ATP9A: variants seen among roughly 807,000 people sequenced by gnomAD.
ATP9A encodes the protein ATPase phospholipid transporting 9A, also known as probable phospholipid-transporting ATPase IIA.
In ATP9A, 52 loss-of-function variants were observed where a neutral mutation model predicts 144.1. That is an observed-to-expected ratio of 0.36 (90% confidence interval 0.29 to 0.45). The LOEUF (loss-of-function observed/expected upper bound fraction) is 0.45, where lower values mean the gene tolerates loss of function less well. Ranked by LOEUF, ATP9A falls within the 20% of genes least tolerant of loss-of-function variation. The probability of loss-of-function intolerance (pLI) is 1.00; values close to 1 mark genes in which losing one functional copy is unlikely to be tolerated. For synonymous variants in ATP9A, 582 were observed against 557.4 expected (o/e 1.04, Z -0.62); for missense variants, 947 against 1,392.7 (o/e 0.68, Z 5.09).
chr20:51,606,753 C>T (rs1252822893), intron 26 of ATP9A, among the ~76,000 whole-genome samples: 1 of 152,078 alleles, frequency 6.6e-6, no homozygotes, highest in Non-Finnish European at 1.5e-5. Context: ...GTGGTGTACA[C>T]CTGTGGTCCC....
At chr20:51,706,513 C>A (rs1159233887) in intron 4 of ATP9A, among the ~76,000 whole-genome samples, 1 of 152,258 alleles carries the variant, frequency 6.6e-6, no homozygotes, top group African/African-American at 2.4e-5. Context: ...GTAATCCCAA[C>A]ACTTTGGGAA....
In ATP9A at chr20:51,633,623, G is replaced by A. The variant is rs180928858; in HGVS notation, c.1669-4551C>T. On this transcript the variant is annotated intron_variant, in intron 15 of 27. Transcript: ENST00000338821. Reference sequence around the variant, plus strand: ...TAGCTGGGTGTGGCAGTGCATACCTGTAGTCCCAGCTACTTAAGAGGCAGA... The same window carrying A: ...TAGCTGGGTGTGGCAGTGCATACCTATAGTCCCAGCTACTTAAGAGGCAGA... 3.2e-3 allele frequency among the ~76,000 whole-genome samples: 491 copies of A among 152,188 alleles called. 1 individual carries two copies. The highest frequency in any genetic ancestry group is 6.5e-3 in the Admixed American group (100 of 15,270).
intron 6 of ATP9A, among the ~76,000 whole-genome samples, chr20:51,694,885 AAG>A (rs1273551374): frequency 6.6e-6 from 1 of 152,168 alleles, no homozygotes; most frequent in Non-Finnish European, 1.5e-5. Context: ...TCAAGAAAAA[AAG>A]AGCATGTCAG....
At chr20:51,746,825 C>T (rs902381377) in intron 1 of ATP9A, among the ~76,000 whole-genome samples, 5 of 152,054 alleles carry the variant, frequency 3.3e-5, no homozygotes, top group Admixed American at 6.6e-5. Context: ...GGCAACAGAG[C>T]GAGACTCCAT....
At position 51,698,918 on chromosome 20, in the gene ATP9A, G is replaced by A. The variant is rs1411634257; in HGVS notation, c.437-1436C>T. Among the ~76,000 whole-genome samples, 9 of 152,222 alleles carry A rather than the reference G, an allele frequency of 5.9e-5. No individual in the cohort carries two copies. The South Asian group carries it at 1.5e-3, about 25-fold the overall frequency. On this transcript the variant is annotated intron_variant, in intron 4 of 27. Coordinates refer to ENST00000338821, the MANE Select transcript of ATP9A (RefSeq NM_006045.3). Reference sequence around the variant, plus strand: ...ACACCCTGTGAGGGAGCCCAGAGAGGAAGAGAGAATTTATTCTGGTGATAG... The same window carrying A: ...ACACCCTGTGAGGGAGCCCAGAGAGAAAGAGAGAATTTATTCTGGTGATAG...
chr20:51,658,810 G>A (rs1412359098), intron 13 of ATP9A, among the ~76,000 whole-genome samples: 1 of 141,604 alleles, frequency 7.1e-6, no homozygotes, highest in Admixed American at 8.0e-5. Flanking sequence ...GTGAGCCACC[G>A]TGCCCGACCC....
At chr20:51,605,618 AAAAAAAT>A (rs1368872622) in intron 26 of ATP9A, among the ~76,000 whole-genome samples, 149 of 151,966 alleles carry the variant, frequency 9.8e-4, no homozygotes, top group African/African-American at 3.4e-3. Flanking sequence ...CCCCTGTCTC[AAAAAAAT>A]AAAAAATAAA....
intron 14 of ATP9A, among the ~76,000 whole-genome samples, chr20:51,647,338 A>G (rs1013318488): frequency 6.6e-6 from 1 of 152,014 alleles, no homozygotes; most frequent in Non-Finnish European, 1.5e-5. Context: ...CACTTGAGGT[A>G]AGGAGTTCAA....
At chr20:51,670,417 C>T (rs2077451091) in intron 12 of ATP9A, among the ~76,000 whole-genome samples, 3 of 152,200 alleles carry the variant, frequency 2.0e-5, no homozygotes, top group Admixed American at 2.0e-4. Flanking sequence ...ATGACATACA[C>T]TAGAGCAATC....
At chr20:51,719,190 G>A (rs2077677334) in intron 3 of ATP9A, among the ~76,000 whole-genome samples, 1 of 151,926 alleles carries the variant, frequency 6.6e-6, no homozygotes, top group Non-Finnish European at 1.5e-5. Flanking sequence ...CCTTGCTGGG[G>A]GCCAGGGAAG....
At chr20:51,744,026 T>G (rs2077796855) in intron 1 of ATP9A, among the ~76,000 whole-genome samples, 1 of 151,976 alleles carries the variant, frequency 6.6e-6, no homozygotes, top group Non-Finnish European at 1.5e-5. Flanking sequence ...AAAGTTATTT[T>G]TCCAGATGAA....
At chr20:51,696,249 CA>C in intron 5 of ATP9A, 105 bp from the exon 6 acceptor site, 2 of 867,784 alleles carry the variant, frequency 2.3e-6, no homozygotes, top group East Asian at 2.5e-5. Context: ...TGGGTTGGGG[CA>C]GGGGGGACTG....
chr20:51,605,124 G>T, intron 26 of ATP9A, 104 bp from the exon 27 acceptor site: 1 of 990,664 alleles, frequency 1.0e-6, no homozygotes, highest in Non-Finnish European at 1.4e-6. Flanking sequence ...AGACATGAAA[G>T]GCATCACTTG....
chr20:51,601,446 T>C (rs1292586818), intron 27 of ATP9A, 99 bp from the exon 28 acceptor site: 14 of 1,276,116 alleles, frequency 1.1e-5, no homozygotes, highest in African/African-American at 1.5e-5. Context: ...GGGAAAGTCA[T>C]CTCCCGTCAC....
At chr20:51,644,471 CAT>C (rs2077333966) in intron 14 of ATP9A, among the ~76,000 whole-genome samples, 1 of 151,154 alleles carries the variant, frequency 6.6e-6, no homozygotes, top group Non-Finnish European at 1.5e-5. Flanking sequence ...TGGGTTTCAC[CAT>C]GTTAGTCAGG....
intron 14 of ATP9A, among the ~76,000 whole-genome samples, chr20:51,641,828 T>A (rs1283335690): frequency 2.1e-4 from 7 of 33,604 alleles, no homozygotes; most frequent in African/African-American, 3.8e-4. Flanking sequence ...CGAAACTCCA[T>A]CTCAAAAAAA....
chr20:51,729,975 G>A lies in ATP9A; in HGVS notation c.72C>T (p.Cys24=), dbSNP rs1394214884. ...KRMDSRPRAG[C]CEWLRCCGGG... Reference sequence around the variant, plus strand: ...CACCGCAGCATCTCAGCCACTCGCAGCACCTGTGGGAAAGAAACCCACGCA... The same window carrying A: ...CACCGCAGCATCTCAGCCACTCGCAACACCTGTGGGAAAGAAACCCACGCA... The change falls in exon 2 of 28, where the codon TGC becomes TGT. Residue 24 remains cysteine (C), a synonymous_variant. Coordinates refer to ENST00000338821, the MANE Select transcript of ATP9A (RefSeq NM_006045.3). 3.3e-6 allele frequency: 5 copies of A among 1,535,940 alleles called. No individual in the cohort carries two copies. The highest frequency in any genetic ancestry group is 4.4e-6 in the Non-Finnish European group (5 of 1,146,784).
chr20:51,651,254 TAA>T lies in ATP9A; in HGVS notation c.1506+5682_1506+5683del, dbSNP rs1232167906. ...ATTATTTACATAATATATATTTACA[TAA>T]TATATTATATAATATATATTTACAT... On this transcript the variant is annotated intron_variant, in intron 14 of 27. Coordinates refer to ENST00000338821, the MANE Select transcript of ATP9A (RefSeq NM_006045.3). 5.2e-3 allele frequency among the ~76,000 whole-genome samples: 653 copies of T among 125,684 alleles called. 18 individuals are homozygous for T. Among genetic ancestry groups the T allele is most frequent in the Non-Finnish European group, 7.9e-3 (459 of 57,802 alleles). 82.5% of individuals were successfully genotyped at this position (125,684 alleles called of 152,430 possible). A position where few individuals can be genotyped will look rare whatever the true frequency, so the allele number is the denominator to read the frequency against.
intron 19 of ATP9A, among the ~76,000 whole-genome samples, chr20:51,621,037 C>T (rs927140221): frequency 6.6e-6 from 1 of 151,434 alleles, no homozygotes; most frequent in East Asian, 1.9e-4. Flanking sequence ...ATCCCAGCTA[C>T]TTGGGAGGCT....
Sources: gnomAD v4.1 joint callset for allele counts (sites outside exome capture counted in the v4.1 genomes callset) on GRCh38, gnomAD v4.1.1 for gene constraint, MANE v1.5 for transcripts, NCBI Gene and HGNC (gene_info 2026-07-23, HGNC 2026-07-21) for gene names.